Variants in GET3 observed in about 807,000 individuals in gnomAD.
GET3 encodes the protein ATPase GET3.
A neutral mutation model predicts 32.4 loss-of-function variants in GET3; 15 were observed. The observed-to-expected ratio is 0.46, with a 90% CI of 0.31 to 0.71. GET3 has a LOEUF of 0.71. Among genes scored for constraint, GET3 ranks in the 30% least tolerant of loss-of-function variants. The probability of loss-of-function intolerance (pLI) is 0.05; values close to 1 mark genes in which losing one functional copy is unlikely to be tolerated. For synonymous variants in GET3, 198 were observed against 185.6 expected (o/e 1.07, Z -0.54); for missense variants, 333 against 459.0 (o/e 0.73, Z 2.51).
upstream of GET3, chr19:12,737,342 C>A (rs771845351): frequency 9.5e-7 from 1 of 1,052,544 alleles, no homozygotes; most frequent in Non-Finnish European, 1.3e-6. Context: ...CAAAGTGAAC[C>A]CTGGAAGCAA....
chr19:12,739,666 A>G (rs1371396533), intron 2 of GET3, among the ~76,000 whole-genome samples: 2 of 152,210 alleles, frequency 1.3e-5, no homozygotes, highest in Non-Finnish European at 2.9e-5. Context: ...TGTAAACATC[A>G]TGACAGTAGC....
Position 12,747,835 on chromosome 19 carries a change from A to G in GET3, c.916-138A>G, listed in dbSNP as rs1967803275. 9.5e-7 allele frequency: 1 copy of G among 1,051,268 alleles called. No individual in the cohort carries two copies. Among genetic ancestry groups the G allele is most frequent in the Non-Finnish European group, 1.4e-6 (1 of 720,014 alleles). The allele number at this position is 1,051,268 out of a possible 1,614,324, so 65.1% of individuals were successfully genotyped here. A position where few individuals can be genotyped will look rare whatever the true frequency, so the allele number is the denominator to read the frequency against. On this transcript the variant is annotated intron_variant, in intron 6 of 6. Transcript: ENST00000357332. This position sits in a 1 kb window ranked among gnomAD's most constrained non-coding sequence, Gnocchi z 4.0. ...GACCATAGTGATGCAGCTCCCACTTATGACACCTTAAGCTCCTGCCCTATA... is the reference window on the plus strand; with the variant it reads ...GACCATAGTGATGCAGCTCCCACTTGTGACACCTTAAGCTCCTGCCCTATA...
chr19:12,737,407 T>A, upstream of GET3: 3 of 1,349,330 alleles, frequency 2.2e-6, no homozygotes, highest in African/African-American at 4.5e-5. Flanking sequence ...ATGAGGAAAT[T>A]AACTCATGCT....
In GET3 at chr19:12,748,194, A is replaced by C; in HGVS notation, c.*90A>C. On this transcript the variant is annotated 3_prime_UTR_variant, in exon 7 of 7. Transcript: ENST00000357332. ...GCAGAGTTTGCACAAAGTCCCCCCC[A>C]TAATACAGGGGGAGCCACTTGGGCA... 1 of 1,260,386 alleles carries C rather than the reference A, an allele frequency of 7.9e-7. No homozygotes were observed. Among genetic ancestry groups the C allele is most frequent in the Non-Finnish European group, 1.1e-6 (1 of 942,792 alleles). 78.1% of individuals were successfully genotyped at this position (1,260,386 alleles called of 1,614,324 possible).
Position 12,738,532 on chromosome 19 carries a change from C to G in GET3, c.183C>G (p.Leu61=). ...TCAGCTGCAGCCTGGCAGTCCAGCT[C>G]TCCAAGGGGCGTGAGAGTGTTCTGA... ...TTCSCSLAVQ[L]SKGRESVLII... The change falls in exon 2 of 7, where the codon CTC becomes CTG. Residue 61 remains leucine, a synonymous_variant. Transcript: ENST00000357332. 6.2e-7 allele frequency: 1 copy of G among 1,614,162 alleles called. No homozygotes were observed. Among genetic ancestry groups the G allele is most frequent in the African/African-American group, 1.3e-5 (1 of 75,040 alleles).
intron 2 of GET3, among the ~76,000 whole-genome samples, chr19:12,742,398 A>G (rs1471290965): frequency 6.6e-6 from 1 of 151,308 alleles, no homozygotes; most frequent in Non-Finnish European, 1.5e-5. Context: ...CATCCGGCTA[A>G]TTTTTGTTTT....
In GET3 at chr19:12,747,148, A is replaced by G. The variant is rs1188460261; in HGVS notation, c.610-49A>G. 3 of 1,501,394 alleles carry G rather than the reference A, an allele frequency of 2.0e-6. No individual in the cohort carries two copies. The highest frequency in any genetic ancestry group is 2.7e-6 in the Non-Finnish European group (3 of 1,116,176). The allele number at this position is 1,501,394 out of a possible 1,614,324, so 93.0% of individuals were successfully genotyped here. ...CGGGTGTTTAGTGAACCCCCAACCC[A>G]GGAGGTCGCCGCAGGTAAGCTATGA... On this transcript the variant is annotated intron_variant, in intron 4 of 6. Transcript: ENST00000357332. The surrounding 1 kb of genome is among the most constrained non-coding windows in gnomAD (Gnocchi z 4.0).
At chr19:12,737,356 A>G, upstream of GET3, 1 of 1,138,544 alleles carries the variant, frequency 8.8e-7, no homozygotes, top group Non-Finnish European at 1.2e-6. Context: ...GAAGCAAAGA[A>G]TAGTGAAAAT....
At chr19:12,738,458 G>A (rs1967611453) in intron 1 of GET3, 53 bp from the exon 2 acceptor site, 2 of 1,604,630 alleles carry the variant, frequency 1.2e-6, no homozygotes, top group African/African-American at 1.3e-5. Context: ...TGCAGACCCA[G>A]GGAACAGAGC....
At chr19:12,746,017 A>G (rs1599452368) in intron 4 of GET3, among the ~76,000 whole-genome samples, 1 of 152,034 alleles carries the variant, frequency 6.6e-6, no homozygotes, top group East Asian at 1.9e-4. Flanking sequence ...CTGCCTTCAA[A>G]CCCTCTACAC....
intron 2 of GET3, among the ~76,000 whole-genome samples, chr19:12,739,492 T>C (rs1486537006): frequency 6.6e-6 from 1 of 152,202 alleles, no homozygotes; most frequent in Non-Finnish European, 1.5e-5. Flanking sequence ...AGTAAACCAG[T>C]AAGATTACTT....
rs1485624213 is a variant in GET3, at chr19:12,737,538, G to A, written c.33G>A (p.Glu11=). MAAGVAGWGV[E]AEEFEDAPDV... is the part of the protein sequence containing the mutation. The stretch of plus-strand genomic sequence containing the variant: ...CAGGGGTGGCCGGGTGGGGGGTTGA[G>A]GCAGAGGAGTTCGAAGATGCTCCTG... Residue 11 remains glutamate (E), a synonymous_variant, in exon 1 of 7, where the codon GAG becomes GAA. Coordinates refer to ENST00000357332, the MANE Select transcript of GET3 (RefSeq NM_004317.4). 8 of 1,595,214 alleles carry A rather than the reference G, an allele frequency of 5.0e-6. No homozygotes were observed. The highest frequency in any genetic ancestry group is 6.8e-6 in the Non-Finnish European group (8 of 1,171,978).
chr19:12,739,961 G>A (rs1044130591), intron 2 of GET3, among the ~76,000 whole-genome samples: 5 of 151,818 alleles, frequency 3.3e-5, no homozygotes, highest in African/African-American at 1.2e-4. Context: ...TAGGAGAATC[G>A]CTAGAACCCA....
chr19:12,741,713 C>T (rs1468692403), intron 2 of GET3, among the ~76,000 whole-genome samples: 4 of 151,032 alleles, frequency 2.6e-5, no homozygotes, highest in Admixed American at 2.0e-4. Flanking sequence ...GAGCCGAGAT[C>T]ATGCCACTGC....
Position 12,748,048 on chromosome 19 carries a change from G to A in GET3, c.991G>A (p.Val331Ile), listed in dbSNP as rs765139229. ...CCATGAGGTGCGGGGGGCAGACAAG[G>A]TCAACACCTTCTCGGCCCTCCTCCT... ...LPHEVRGADK[V>I]NTFSALLLEP... Residue 331 changes from valine to isoleucine, a missense_variant, in exon 7 of 7, where the codon GTC becomes ATC. By Grantham distance (29) the Val-to-Ile change is conservative. Coordinates refer to ENST00000357332, the MANE Select transcript of GET3 (RefSeq NM_004317.4). 1 of 1,612,110 alleles carries A rather than the reference G, an allele frequency of 6.2e-7. No individual in the cohort carries two copies. The highest frequency in any genetic ancestry group is 8.5e-7 in the Non-Finnish European group (1 of 1,178,612).
At chr19:12,738,383 C>G (rs987387217) in intron 1 of GET3, 128 bp from the exon 2 acceptor site, 7 of 1,154,368 alleles carry the variant, frequency 6.1e-6, no homozygotes, top group East Asian at 2.4e-5. Context: ...CACCATAACC[C>G]ATACTCTCCT....
rs770348062 is a variant in GET3, at chr19:12,747,379, C to T, written c.718-16C>T. 1.2e-6 allele frequency: 2 copies of T among 1,613,944 alleles called. No homozygotes were observed. Among genetic ancestry groups the T allele is most frequent in the African/African-American group, 2.7e-5 (2 of 74,918 alleles). ...GGCAGACCCCGCCCCTCACTGTCCT[C>T]TCTCGTGCCCTGTAGGAGCAGACAA... On this transcript the variant is annotated splice_polypyrimidine_tract_variant and intron_variant, in intron 5 of 6. Coordinates refer to ENST00000357332, the MANE Select transcript of GET3 (RefSeq NM_004317.4). This position sits in a 1 kb window ranked among gnomAD's most constrained non-coding sequence, Gnocchi z 4.0.
chr19:12,741,223 G>A (rs1284678839), intron 2 of GET3, among the ~76,000 whole-genome samples: 3 of 152,082 alleles, frequency 2.0e-5, no homozygotes, highest in African/African-American at 4.8e-5. Flanking sequence ...CTGGGAGGCC[G>A]AGGTGGGCGG....
chr19:12,748,095 T>C lies in GET3; in HGVS notation c.1038T>C (p.Ser346=). 2 of 1,595,950 alleles carry C rather than the reference T, an allele frequency of 1.3e-6. No individual in the cohort carries two copies. Among genetic ancestry groups the C allele is most frequent in the Non-Finnish European group, 1.7e-6 (2 of 1,167,822 alleles). Residue 346 remains serine, a synonymous_variant, in exon 7 of 7, where the codon AGT becomes AGC. Coordinates refer to ENST00000357332, the MANE Select transcript of GET3 (RefSeq NM_004317.4). The stretch of plus-strand genomic sequence containing the variant: ...TCCTGGAGCCCTACAAGCCCCCCAG[T>C]GCCCAGTAGCACAGCTGCCAGCCCC... ...ALLLEPYKPP[S]AQ
Sources: allele counts gnomAD v4.1 joint callset (sites outside exome capture counted in the v4.1 genomes callset), GRCh38; gene constraint gnomAD v4.1.1; non-coding constraint Gnocchi (gnomAD v3.1); transcripts MANE v1.5; gene names NCBI Gene and HGNC (gene_info 2026-07-23, HGNC 2026-07-21).